Variants in GAB1 observed in about 807,000 individuals in gnomAD.
The protein encoded by GAB1 is GRB2-associated-binding protein 1.
Under a neutral mutation model 66.5 loss-of-function variants are expected in GAB1, and 19 were observed. The ratio of observed to expected loss-of-function variants is 0.29; its 90% CI spans 0.20 to 0.42. The LOEUF (loss-of-function observed/expected upper bound fraction) is 0.42, where lower values mean the gene tolerates loss of function less well. GAB1 is among the 10% of genes least tolerant of loss of function. The pLI is 1.00. For synonymous variants in GAB1, 294 were observed against 301.4 expected, an observed-to-expected ratio of 0.98 and a Z score of 0.25; for missense variants, 732 against 858.5, an observed-to-expected ratio of 0.85 and a Z score of 1.84.
chr4:143,340,387 A>G (rs946041217), intron 1 of GAB1, among the ~76,000 whole-genome samples: 1 of 152,154 alleles, frequency 6.6e-6, no homozygotes, highest in African/African-American at 2.4e-5. Flanking sequence ...TTCTGTTTGG[A>G]AATATTTGGC....
chr4:143,376,222 T>C (rs771995811), intron 1 of GAB1, among the ~76,000 whole-genome samples: 2 of 152,092 alleles, frequency 1.3e-5, no homozygotes, highest in African/African-American at 4.8e-5. Flanking sequence ...TATGAGGTAA[T>C]ACTGTTTAGG....
intron 6 of GAB1, among the ~76,000 whole-genome samples, chr4:143,446,552 G>A (rs2149769839): frequency 6.6e-6 from 1 of 152,208 alleles, no homozygotes; most frequent in East Asian, 1.9e-4. Context: ...CAGTGATGAT[G>A]AGCATTTTTT....
chr4:143,440,424 A>T, intron 6 of GAB1, 42 bp downstream of exon 6: 1 of 1,518,118 alleles, frequency 6.6e-7, no homozygotes, highest in Non-Finnish European at 8.8e-7. Context: ...GGGAGTGCCA[A>T]GTTAGATCTA....
intron 1 of GAB1, among the ~76,000 whole-genome samples, chr4:143,378,908 C>A (rs1210086148): frequency 4.6e-5 from 7 of 152,144 alleles, no homozygotes; most frequent in African/African-American, 1.4e-4. Flanking sequence ...AGAGACCAAA[C>A]AGGGGCAGCC....
At chr4:143,393,035 G>A (rs1408945258) in intron 1 of GAB1, among the ~76,000 whole-genome samples, 7 of 151,860 alleles carry the variant, frequency 4.6e-5, no homozygotes, top group Admixed American at 4.6e-4. Flanking sequence ...TTTCTTTACT[G>A]TTTCATGTGG....
At chr4:143,389,439 C>G (rs1008229694) in intron 1 of GAB1, among the ~76,000 whole-genome samples, 1 of 152,070 alleles carries the variant, frequency 6.6e-6, no homozygotes, top group South Asian at 2.1e-4. Context: ...GCAGTGTGGT[C>G]GGGAGTTGAA....
chr4:143,428,352 G>C (rs1038543018), intron 2 of GAB1, among the ~76,000 whole-genome samples: 1 of 152,154 alleles, frequency 6.6e-6, no homozygotes, highest in Non-Finnish European at 1.5e-5. Flanking sequence ...CTGTGGAATT[G>C]AGTCCTCCTC....
At chr4:143,378,115 C>T (rs767925548) in intron 1 of GAB1, among the ~76,000 whole-genome samples, 1 of 152,122 alleles carries the variant, frequency 6.6e-6, no homozygotes, top group Admixed American at 6.5e-5. Flanking sequence ...CAACCTACAG[C>T]AACTTTCAAT....
intron 3 of GAB1, chr4:143,434,231 A>G: frequency 4.1e-6 from 3 of 732,790 alleles, no homozygotes; most frequent in Non-Finnish European, 6.0e-6. Context: ...AAATCCCAAT[A>G]TAGCAAATTC....
At chr4:143,466,055 A>G in intron 8 of GAB1, 48 bp from the exon 9 acceptor site, 2 of 1,605,750 alleles carry the variant, frequency 1.2e-6, no homozygotes, top group Non-Finnish European at 1.7e-6. Flanking sequence ...TACGAGTGGT[A>G]TGTCTGGTGA....
At chr4:143,459,533 T>C in intron 7 of GAB1, 55 bp downstream of exon 7, 1 of 976,456 alleles carries the variant, frequency 1.0e-6, no homozygotes. Context: ...CTATCTAGAA[T>C]TGTTCATTAT....
At chr4:143,448,468 A>C (rs374272808) in intron 6 of GAB1, among the ~76,000 whole-genome samples, 10 of 151,748 alleles carry the variant, frequency 6.6e-5, no homozygotes, top group African/African-American at 1.9e-4. Context: ...ACAATTTCAG[A>C]TTCTGTTATT....
At chr4:143,369,097 G>A (rs1038074283) in intron 1 of GAB1, among the ~76,000 whole-genome samples, 11 of 152,048 alleles carry the variant, frequency 7.2e-5, no homozygotes, top group African/African-American at 2.4e-4. Flanking sequence ...GCACCACCAC[G>A]CTCAGGTAAT....
At chr4:143,374,119 G>A (rs997833080) in intron 1 of GAB1, among the ~76,000 whole-genome samples, 10 of 151,550 alleles carry the variant, frequency 6.6e-5, no homozygotes, top group African/African-American at 1.7e-4. Context: ...GTTTGGTGTC[G>A]TATTTTATAG....
At chr4:143,360,268 A>G (rs1055901989) in intron 1 of GAB1, among the ~76,000 whole-genome samples, 12 of 152,142 alleles carry the variant, frequency 7.9e-5, no homozygotes, top group African/African-American at 2.9e-4. Context: ...AGAACTGGGA[A>G]ATTTTTCAGT....
chr4:143,380,734 T>C (rs1313644989), intron 1 of GAB1: 4 of 152,252 alleles, frequency 2.6e-5, no homozygotes, highest in Non-Finnish European at 5.9e-5. Context: ...AGAATTCTTT[T>C]CAACAGTGAG....
At chr4:143,342,134 A>C (rs539806609) in intron 1 of GAB1, among the ~76,000 whole-genome samples, 12 of 152,332 alleles carry the variant, frequency 7.9e-5, no homozygotes, top group African/African-American at 1.2e-4. Flanking sequence ...TATGATGGTT[A>C]ATGATAGTTC....
rs762830469 is a variant in GAB1, at chr4:143,415,453, T to G, written c.73-24T>G. ...AACATTATCTCAAGTTAATACTGAA[T>G]GGATATTTTTGTTTTGTTTCTAGGC... On this transcript the variant is annotated intron_variant, in intron 1 of 9. Transcript: ENST00000262994. 4 of 1,552,366 alleles carry G rather than the reference T, an allele frequency of 2.6e-6. No individual in the cohort carries two copies. In the African/African-American group the frequency reaches 4.1e-5, roughly 16 times the overall value.
intron 2 of GAB1, among the ~76,000 whole-genome samples, chr4:143,423,122 C>T (rs577587110): frequency 6.6e-6 from 1 of 152,210 alleles, no homozygotes; most frequent in South Asian, 2.1e-4. Flanking sequence ...ATGCAATGTT[C>T]GAGAATATTT....
Sources: gnomAD v4.1 joint callset for allele counts (sites outside exome capture counted in the v4.1 genomes callset) on GRCh38, gnomAD v4.1.1 for gene constraint, MANE v1.5 for transcripts, NCBI Gene and HGNC (gene_info 2026-07-23, HGNC 2026-07-21) for gene names.